RPRD1A: variants seen among roughly 807,000 people sequenced by gnomAD.
The protein encoded by RPRD1A is regulation of nuclear pre-mRNA domain containing 1A.
A neutral mutation model predicts 37.8 loss-of-function variants in RPRD1A; 9 were observed. The observed-to-expected ratio is 0.24, with a 90% CI of 0.14 to 0.42. The LOEUF (loss-of-function observed/expected upper bound fraction) is 0.42, where lower values mean the gene tolerates loss of function less well. Among genes scored for constraint, RPRD1A ranks in the 10% least tolerant of loss-of-function variants. The pLI is 1.00. For synonymous variants in RPRD1A, 138 were observed against 139.7 expected, an observed-to-expected ratio of 0.99 and a Z score of 0.08; for missense variants, 255 against 371.0, an observed-to-expected ratio of 0.69 and a Z score of 2.57.
Position 36,027,057 on chromosome 18 carries a change from CT to C in RPRD1A, c.631del (p.Arg211GlyfsTer6). Reference sequence around the variant, plus strand: ...CGCATCCTCTACCATTTTGGAAAGCCTTTCTCCAGATTCTTTATCTAAGAAA... The same window carrying C: ...CGCATCCTCTACCATTTTGGAAAGCCTTCTCCAGATTCTTTATCTAAGAAA... ...DKITDKESGERLSKMVEDACM... is the reference protein window; with the variant it reads ...DKITDKESGEXLSKMVEDACM... On this transcript the variant is annotated frameshift_variant, in exon 6 of 7. Transcript: ENST00000399022. LOFTEE classifies it high-confidence loss of function. 6.2e-7 allele frequency: 1 copy of C among 1,613,934 alleles called. No individual in the cohort carries two copies. The highest frequency in any genetic ancestry group is 8.5e-7 in the Non-Finnish European group (1 of 1,179,854).
In RPRD1A at chr18:35,997,545, C is replaced by T. The variant is rs147674721; in HGVS notation, c.790-4245G>A. Among the ~76,000 whole-genome samples, 149 of 152,250 alleles carry T rather than the reference C, an allele frequency of 9.8e-4. No individual in the cohort carries two copies. The East Asian group carries it at 0.024, about 25-fold the overall frequency. On this transcript the variant is annotated intron_variant, in intron 6 of 6. Transcript: ENST00000399022. ...ATTTCTTTATATTGATTTAGCTACA[C>T]GCTTTTAAAAATTATTTTTGGAAAG... is the stretch of plus-strand genomic sequence containing the variant.
At chr18:36,060,080 AAACAGACTCTCTTCATTTTT>A (rs2088875282) in intron 1 of RPRD1A, among the ~76,000 whole-genome samples, 2 of 152,226 alleles carry the variant, frequency 1.3e-5, no homozygotes. Flanking sequence ...TGTCAATTTA[AAACAGACTCTCTTCATTTTT>A]AGGATTTATA....
chr18:36,053,004 G>A (rs1236309693), intron 1 of RPRD1A: 2 of 152,160 alleles, frequency 1.3e-5, no homozygotes, highest in Non-Finnish European at 2.9e-5. Flanking sequence ...AACTAGGGAT[G>A]ATTGGTGGGT....
chr18:36,027,336 A>C (rs1911441794), intron 4 of RPRD1A, 26 bp from the exon 5 acceptor site: 9 of 1,611,920 alleles, frequency 5.6e-6, no homozygotes, highest in Non-Finnish European at 7.6e-6. Flanking sequence ...CTTCAGAACC[A>C]AAATAAATTG....
chr18:36,044,244 T>C (rs961032937), intron 1 of RPRD1A, among the ~76,000 whole-genome samples: 2 of 152,120 alleles, frequency 1.3e-5, no homozygotes, highest in African/African-American at 4.8e-5. Flanking sequence ...CTCATGTAAC[T>C]TTTACTGAAA....
intron 1 of RPRD1A, among the ~76,000 whole-genome samples, chr18:36,039,798 C>T (rs553391051): frequency 9.2e-5 from 14 of 152,092 alleles, no homozygotes; most frequent in South Asian, 4.2e-4. Flanking sequence ...ACCATCATTC[C>T]GAGGGAAACC....
At chr18:36,056,073 A>T (rs897946407) in intron 1 of RPRD1A, among the ~76,000 whole-genome samples, 13 of 152,170 alleles carry the variant, frequency 8.5e-5, no homozygotes, top group African/African-American at 2.9e-4. Context: ...TAATAGAAAA[A>T]TTTTAATAGA....
At chr18:36,064,846 A>G (rs1052952422) in intron 1 of RPRD1A, among the ~76,000 whole-genome samples, 10 of 152,020 alleles carry the variant, frequency 6.6e-5, no homozygotes, top group Admixed American at 5.2e-4. Flanking sequence ...CGCCTTTATG[A>G]GCTGTAACAC....
chr18:35,997,212 C>T (rs17562898), intron 6 of RPRD1A, among the ~76,000 whole-genome samples: 8,601 of 152,164 alleles, frequency 0.057, 292 homozygotes, highest in Non-Finnish European at 0.082. Context: ...TCTTTCCATA[C>T]TTCCAAGTGC....
chr18:35,994,721 A>G (rs957227798), intron 6 of RPRD1A, among the ~76,000 whole-genome samples: 15 of 152,202 alleles, frequency 9.9e-5, no homozygotes, highest in Non-Finnish European at 1.6e-4. Context: ...TATAACTGAC[A>G]AATTCTAGCT....
chr18:36,006,708 A>C (rs1431880575), intron 6 of RPRD1A, among the ~76,000 whole-genome samples: 1 of 152,186 alleles, frequency 6.6e-6, no homozygotes, highest in Non-Finnish European at 1.5e-5. Flanking sequence ...TAAATCCTCA[A>C]ATGGAGGGAA....
chr18:36,001,670 T>C (rs1263263834), intron 6 of RPRD1A, among the ~76,000 whole-genome samples: 2 of 152,066 alleles, frequency 1.3e-5, no homozygotes, highest in Non-Finnish European at 1.5e-5. Context: ...CTGAGCAGAG[T>C]GAAGTTCCAA....
At chr18:36,062,039 C>A (rs555434632) in intron 1 of RPRD1A, among the ~76,000 whole-genome samples, 1 of 152,232 alleles carries the variant, frequency 6.6e-6, no homozygotes, top group East Asian at 1.9e-4. Context: ...AAAACATGGC[C>A]GGGCGCGGTG....
At chr18:35,993,623 A>C (rs1338998722) in intron 6 of RPRD1A, among the ~76,000 whole-genome samples, 2 of 152,194 alleles carry the variant, frequency 1.3e-5, no homozygotes, top group South Asian at 4.1e-4. Flanking sequence ...ATTTTCATAA[A>C]CCTTAACTAA....
At chr18:35,994,576 G>C (rs1908911169) in intron 6 of RPRD1A, among the ~76,000 whole-genome samples, 1 of 152,316 alleles carries the variant, frequency 6.6e-6, no homozygotes, top group South Asian at 2.1e-4. Context: ...ATAGCAGAGA[G>C]GGGCACAAAC....
intron 6 of RPRD1A, among the ~76,000 whole-genome samples, chr18:36,007,027 T>G (rs1909788389): frequency 6.6e-6 from 1 of 152,028 alleles, no homozygotes; most frequent in Non-Finnish European, 1.5e-5. Flanking sequence ...GTTTTTCTTC[T>G]GTCTTTTTTT....
At chr18:36,001,650 T>A (rs1482569883) in intron 6 of RPRD1A, among the ~76,000 whole-genome samples, 2 of 152,136 alleles carry the variant, frequency 1.3e-5, no homozygotes, top group African/African-American at 4.8e-5. Flanking sequence ...CCTGCTCAGA[T>A]CCTCCATATC....
At chr18:36,050,144 G>A (rs1913272979) in intron 1 of RPRD1A, among the ~76,000 whole-genome samples, 1 of 151,822 alleles carries the variant, frequency 6.6e-6, no homozygotes, top group African/African-American at 2.4e-5. Context: ...ATGGAAAAAA[G>A]TTCTGGAGAT....
At chr18:35,999,726 T>C (rs1342056371) in intron 6 of RPRD1A, among the ~76,000 whole-genome samples, 2 of 152,182 alleles carry the variant, frequency 1.3e-5, no homozygotes, top group Non-Finnish European at 2.9e-5. Flanking sequence ...CTAAGCATCA[T>C]ACTTACTGTA....
Sources: allele counts gnomAD v4.1 joint callset (sites outside exome capture counted in the v4.1 genomes callset), GRCh38; gene constraint gnomAD v4.1.1; transcripts MANE v1.5; gene names NCBI Gene and HGNC (gene_info 2026-07-23, HGNC 2026-07-21).